The following ARFGEF1 variants were observed in gnomAD, a reference collection of about 807,000 sequenced individuals.
The protein encoded by ARFGEF1 is brefeldin A-inhibited guanine nucleotide-exchange protein 1.
A neutral mutation model predicts 231.0 loss-of-function variants in ARFGEF1; 42 were observed. The ratio of observed to expected loss-of-function variants is 0.18; its 90% CI spans 0.14 to 0.24. The LOEUF is 0.24. Among genes scored for constraint, ARFGEF1 ranks in the 10% least tolerant of loss-of-function variants. The probability of loss-of-function intolerance (pLI) is 1.00; values close to 1 mark genes in which losing one functional copy is unlikely to be tolerated. For missense variants in ARFGEF1, 1,345 were observed against 2,192.0 expected (o/e 0.61, Z 7.72); for synonymous variants, 710 against 732.3 (o/e 0.97, Z 0.49).
intron 30 of ARFGEF1, among the ~76,000 whole-genome samples, chr8:67,218,840 T>C (rs942242150): frequency 1.1e-4 from 16 of 152,144 alleles, no homozygotes; most frequent in African/African-American, 3.4e-4. Flanking sequence ...TATATAATAC[T>C]AAAGAAAGTT....
At position 67,253,626 on chromosome 8, in the gene ARFGEF1, G is replaced by A; in HGVS notation, c.2527-4C>T. On this transcript the variant is annotated splice_polypyrimidine_tract_variant and splice_region_variant and intron_variant, in intron 17 of 38. Coordinates refer to ENST00000262215, the MANE Select transcript of ARFGEF1 (RefSeq NM_006421.5). ...CCTTTGTCATTTTATTTTTCACCTAGATATGAAAAACCATTATAATTCCTA... is the reference window on the plus strand; with the variant it reads ...CCTTTGTCATTTTATTTTTCACCTAAATATGAAAAACCATTATAATTCCTA... 1.4e-6 allele frequency: 2 copies of A among 1,408,826 alleles called. No homozygotes were observed. The highest frequency in any genetic ancestry group is 1.9e-6 in the Non-Finnish European group (2 of 1,048,628). The allele number at this position is 1,408,826 out of a possible 1,614,324, so 87.3% of individuals were successfully genotyped here.
In ARFGEF1 at chr8:67,330,312, C is replaced by A. The variant is rs982044070; in HGVS notation, c.124+12852G>T. On this transcript the variant is annotated intron_variant, in intron 1 of 38. Coordinates refer to ENST00000262215, the MANE Select transcript of ARFGEF1 (RefSeq NM_006421.5). ...GTTTAAGAGAGTATATGTTGGCATACTCATTGACTTTTTAAGGAAAGAATG... is the reference window on the plus strand; with the variant it reads ...GTTTAAGAGAGTATATGTTGGCATAATCATTGACTTTTTAAGGAAAGAATG... 2.0e-5 allele frequency among the ~76,000 whole-genome samples: 3 copies of A among 152,152 alleles called. 1 individual carries two copies. The highest frequency in any genetic ancestry group is 2.0e-4 in the Admixed American group (3 of 15,284).
chr8:67,292,187 T>C (rs1463810529), intron 5 of ARFGEF1, 64 bp from the exon 6 acceptor site: 2 of 1,412,556 alleles, frequency 1.4e-6, no homozygotes, highest in South Asian at 2.5e-5. Context: ...AAGGATAATG[T>C]TACCTCCAAC....
intron 28 of ARFGEF1, 40 bp downstream of exon 28, chr8:67,225,983 G>C: frequency 6.5e-7 from 1 of 1,528,100 alleles, no homozygotes; most frequent in Admixed American, 2.1e-5. Context: ...AAATTGGAAA[G>C]AATACTCTGC....
intron 19 of ARFGEF1, among the ~76,000 whole-genome samples, chr8:67,249,498 T>TA (rs1840208622): frequency 6.6e-6 from 1 of 150,490 alleles, no homozygotes. Context: ...GATATACAGA[T>TA]AGACAGACGG....
intron 19 of ARFGEF1, among the ~76,000 whole-genome samples, chr8:67,244,727 C>A (rs953359514): frequency 1.3e-5 from 2 of 150,094 alleles, no homozygotes; most frequent in African/African-American, 2.5e-5. Context: ...CCTATAAAAT[C>A]TGGAAAATAG....
chr8:67,282,690 A>C (rs1805584847), intron 7 of ARFGEF1, among the ~76,000 whole-genome samples: 1 of 152,180 alleles, frequency 6.6e-6, no homozygotes, highest in South Asian at 2.1e-4. Context: ...TACCAAAAAA[A>C]TACAAAAATT....
intron 23 of ARFGEF1, 84 bp downstream of exon 23, chr8:67,232,771 T>C (rs902412796): frequency 1.3e-5 from 13 of 990,516 alleles, no homozygotes; most frequent in Non-Finnish European, 1.3e-5. Context: ...ATTTTGGCAA[T>C]AATATTTTTC....
At chr8:67,305,181 CACTA>C (rs1343551820) in intron 1 of ARFGEF1, among the ~76,000 whole-genome samples, 7 of 152,238 alleles carry the variant, frequency 4.6e-5, no homozygotes, top group African/African-American at 7.2e-5. Flanking sequence ...ACTCTAACTT[CACTA>C]ACTACTAGAT....
intron 22 of ARFGEF1, among the ~76,000 whole-genome samples, chr8:67,236,365 A>AATATATATAT (rs34297561): frequency 1.0e-4 from 3 of 29,060 alleles, no homozygotes; most frequent in African/African-American, 1.3e-4. Flanking sequence ...AAAAAAAAAA[A>AATATATATAT]ATATATATAT....
In ARFGEF1 at chr8:67,205,142, T is replaced by C. The variant is rs541131425; in HGVS notation, c.4820-323A>G. Reference sequence around the variant, plus strand: ...TAAACTTTCTTAAAACATTATGAGATTTTTTTTTTCTTAGCTCACTATTTT... The same window carrying C: ...TAAACTTTCTTAAAACATTATGAGACTTTTTTTTTCTTAGCTCACTATTTT... On this transcript the variant is annotated intron_variant, in intron 34 of 38. Coordinates refer to ENST00000262215, the MANE Select transcript of ARFGEF1 (RefSeq NM_006421.5). Among the ~76,000 whole-genome samples the C allele has an allele frequency of 8.8e-4, 133 of 150,794 alleles. 1 individual carries two copies. The highest frequency in any genetic ancestry group is 3.2e-3 in the African/African-American group (130 of 41,016).
chr8:67,179,324 G>C (rs1324562847), intron 5 of ARFGEF1, among the ~76,000 whole-genome samples: 1 of 152,096 alleles, frequency 6.6e-6, no homozygotes, highest in Non-Finnish European at 1.5e-5. Context: ...ACATAGGGCT[G>C]TCATAATCTG....
downstream of ARFGEF1, chr8:67,173,598 C>T (rs1472225225): frequency 6.6e-6 from 1 of 151,962 alleles, no homozygotes; most frequent in Non-Finnish European, 1.5e-5. Flanking sequence ...AGTCAAACTA[C>T]CTATATGTAA....
At chr8:67,197,207 AG>A (rs1838063379), downstream of ARFGEF1, among the ~76,000 whole-genome samples, 2 of 152,142 alleles carry the variant, frequency 1.3e-5, no homozygotes, top group African/African-American at 2.4e-5. Flanking sequence ...GCACTTTGTG[AG>A]GCTGAGTTGG....
intron 7 of ARFGEF1, among the ~76,000 whole-genome samples, chr8:67,286,480 C>G (rs1805763770): frequency 6.6e-6 from 1 of 152,144 alleles, no homozygotes; most frequent in Non-Finnish European, 1.5e-5. Flanking sequence ...TCTACTGGAA[C>G]TATTCAACTT....
chr8:67,203,361 A>AG, intron 35 of ARFGEF1, 110 bp from the exon 36 acceptor site: 1 of 1,244,110 alleles, frequency 8.0e-7, no homozygotes, highest in Non-Finnish European at 1.1e-6. Flanking sequence ...ACAGATACTC[A>AG]GCTTGATCTA....
chr8:67,323,899 C>T (rs976627442), intron 1 of ARFGEF1, among the ~76,000 whole-genome samples: 4 of 152,050 alleles, frequency 2.6e-5, no homozygotes, highest in African/African-American at 9.6e-5. Context: ...CCCTTGAGTT[C>T]ATGCCATTCT....
chr8:67,288,052 AT>A lies in ARFGEF1; in HGVS notation c.929del (p.Asn310MetfsTer24). On this transcript the variant is annotated frameshift_variant, in exon 7 of 39. Transcript: ENST00000262215. LOFTEE classifies it high-confidence loss of function. ...GGTTTTCTCCGTCATATAACACTTC[AT>A]TTTTAGATAATGCTTTAAAAGAAGA... ...QATAAETLSKNEVLYDGENHD... is the reference protein window; with the variant it reads ...QATAAETLSKXEVLYDGENHD... The A allele has an allele frequency of 6.3e-7, 1 of 1,593,520 alleles. No homozygotes were observed. The highest frequency in any genetic ancestry group is 1.4e-5 in the African/African-American group (1 of 73,910).
At chr8:67,270,513 A>T (rs897511334) in intron 10 of ARFGEF1, among the ~76,000 whole-genome samples, 2 of 152,156 alleles carry the variant, frequency 1.3e-5, no homozygotes, top group Non-Finnish European at 2.9e-5. Context: ...ATTAAAATAT[A>T]ACCTGTATAT....
Sources: gnomAD v4.1 joint callset for allele counts (sites outside exome capture counted in the v4.1 genomes callset) on GRCh38, gnomAD v4.1.1 for gene constraint, MANE v1.5 for transcripts, NCBI Gene and HGNC (gene_info 2026-07-23, HGNC 2026-07-21) for gene names.